Variants in DNMT3L observed in about 807,000 individuals in gnomAD.
DNMT3L encodes DNA methyltransferase 3 like, also known as DNA (cytosine-5)-methyltransferase 3-like.
Under a neutral mutation model 36.2 loss-of-function variants are expected in DNMT3L, and 33 were observed. That is an observed-to-expected ratio of 0.91 (90% CI 0.69 to 1.22). The LOEUF is 1.22. DNMT3L is among the 50% of genes most tolerant of loss of function. The pLI is 0.00. For synonymous variants in DNMT3L, 117 were observed against 121.7 expected, an observed-to-expected ratio of 0.96 and a Z score of 0.26; for missense variants, 310 against 303.1, an observed-to-expected ratio of 1.02 and a Z score of -0.17.
At chr21:44,256,662 A>G (rs1897970946) in intron 6 of DNMT3L, among the ~76,000 whole-genome samples, 1 of 152,054 alleles carries the variant, frequency 6.6e-6, no homozygotes, top group African/African-American at 2.4e-5. Context: ...GGCAGCTTCC[A>G]GAACCTCGGA....
intron 5 of DNMT3L, among the ~76,000 whole-genome samples, 185 bp downstream of exon 5, chr21:44,259,252 C>A (rs1297427732): frequency 6.6e-6 from 1 of 152,178 alleles, no homozygotes; most frequent in African/African-American, 2.4e-5. Context: ...CAATCGCCAA[C>A]CGTAGACACC....
chr21:44,256,198 G>GT, intron 6 of DNMT3L, 44 bp from the exon 7 acceptor site: 2 of 1,595,852 alleles, frequency 1.3e-6, no homozygotes, highest in Non-Finnish European at 1.7e-6. Flanking sequence ...CCGGCTACTT[G>GT]GCTACAGAGC....
intron 2 of DNMT3L, 67 bp downstream of exon 2, chr21:44,261,087 C>T: frequency 6.3e-7 from 1 of 1,575,442 alleles, no homozygotes. Context: ...GCCTGGAACT[C>T]CAGACCTCAT....
At position 44,260,798 on chromosome 21, in the gene DNMT3L, C is replaced by T. The variant is rs1222643270; in HGVS notation, c.148G>A (p.Glu50Lys). The T allele has an allele frequency of 1.2e-6, 2 of 1,613,240 alleles. No individual in the cohort carries two copies. ...GGGCCAGTATGCAAACACTCACCTT[C>T]TATATTTCGCTGGTTAGCCTTGACT... is the stretch of plus-strand genomic sequence containing the variant. ...YEVKANQRNI[E>K]DICICCGSLQ... The change falls in exon 3 of 12, where the codon GAA becomes AAA. Residue 50 changes from glutamate (E) to lysine (K), a missense_variant. Physicochemically the swap from Glu to Lys is moderately conservative, Grantham distance 56 (BLOSUM62 1). Coordinates refer to ENST00000628202, the MANE Select transcript of DNMT3L (RefSeq NM_175867.3).
intron 2 of DNMT3L, 91 bp downstream of exon 2, chr21:44,261,063 T>C: frequency 2.0e-6 from 3 of 1,516,786 alleles, no homozygotes; most frequent in Non-Finnish European, 1.8e-6. Context: ...GAATAATGCA[T>C]GAATACTCCA....
intron 6 of DNMT3L, among the ~76,000 whole-genome samples, chr21:44,257,518 A>G (rs1416164866): frequency 3.3e-5 from 5 of 150,968 alleles, no homozygotes; most frequent in Non-Finnish European, 3.0e-5. Context: ...CGTCTCTACT[A>G]AAAATACAAA....
intron 8 of DNMT3L, among the ~76,000 whole-genome samples, chr21:44,254,121 G>T (rs1178397344): frequency 1.3e-5 from 2 of 152,210 alleles, no homozygotes; most frequent in Middle Eastern, 3.2e-3. Context: ...CCTACAGGGG[G>T]AACGCACGAC....
chr21:44,257,497 CTG>C lies in DNMT3L; in HGVS notation c.516+1024_516+1025del, dbSNP rs374785360. Reference sequence around the variant, plus strand: ...GAGATCGAGACCATCCCGGCTAAAACTGTGAAACCCCGTCTCTACTAAAAATA... The same window carrying C: ...GAGATCGAGACCATCCCGGCTAAAACTGAAACCCCGTCTCTACTAAAAATA... On this transcript the variant is annotated intron_variant, in intron 6 of 11. Transcript: ENST00000628202. Among the ~76,000 whole-genome samples, 647 of 151,902 alleles carry C rather than the reference CTG, an allele frequency of 4.3e-3. 2 individuals carry two copies. Among genetic ancestry groups the C allele is most frequent in the Non-Finnish European group, 6.8e-3 (462 of 67,906 alleles).
chr21:44,258,043 CA>C lies in DNMT3L; in HGVS notation c.516+479del, dbSNP rs2040278865. On this transcript the variant is annotated intron_variant, in intron 6 of 11. Coordinates refer to ENST00000628202, the MANE Select transcript of DNMT3L (RefSeq NM_175867.3). This position sits in a 1 kb window ranked among gnomAD's most constrained non-coding sequence, Gnocchi z 6.2. ...CATCTCGTGATCCTTAACTAAATTA[CA>C]TCTGCAAAAACCCTGTTTCCAAATA... is the stretch of plus-strand genomic sequence containing the variant. Among the ~76,000 whole-genome samples the C allele has an allele frequency of 2.0e-5, 3 of 152,232 alleles. No homozygotes were observed. Among genetic ancestry groups the C allele is most frequent in the African/African-American group, 7.2e-5 (3 of 41,462 alleles).
chr21:44,254,339 AGCTCTGGGCTCTGG>A (rs548168054), intron 8 of DNMT3L, among the ~76,000 whole-genome samples: 2 of 152,140 alleles, frequency 1.3e-5, no homozygotes, highest in African/African-American at 4.8e-5. Context: ...CCCTGCTCTG[AGCTCTGGGCTCTGG>A]GCTCTGGGCA....
intron 6 of DNMT3L, among the ~76,000 whole-genome samples, chr21:44,256,657 C>T (rs1187095257): frequency 6.6e-6 from 1 of 152,044 alleles, no homozygotes; most frequent in Non-Finnish European, 1.5e-5. Context: ...ATCCTGGCAG[C>T]TTCCAGAACC....
In DNMT3L at chr21:44,259,533, G is replaced by A. The variant is rs757132660; in HGVS notation, c.248C>T (p.Ala83Val). ...CAPCKDKFLD[A>V]LFLYDDDGYQ... is the part of the protein sequence containing the mutation. ...CCCGTCATCGTCGTACAGGAAGAGG[G>A]CATCCAGGAACTTGTCCTTGGAAGG... The change falls in exon 5 of 12, where the codon GCC becomes GTC. Residue 83 changes from alanine (A) to valine (V), a missense_variant. Transcript: ENST00000628202. The A allele has an allele frequency of 1.2e-6, 2 of 1,613,730 alleles. No homozygotes were observed. The highest frequency in any genetic ancestry group is 1.7e-6 in the Non-Finnish European group (2 of 1,180,004).
intron 6 of DNMT3L, among the ~76,000 whole-genome samples, chr21:44,256,954 C>T (rs955799237): frequency 6.6e-6 from 1 of 151,800 alleles, no homozygotes; most frequent in Non-Finnish European, 1.5e-5. Context: ...CTTCGTTCAA[C>T]CTTAACAAAT....
At chr21:44,257,345 C>A (rs2040267845) in intron 6 of DNMT3L, among the ~76,000 whole-genome samples, 1 of 151,952 alleles carries the variant, frequency 6.6e-6, no homozygotes, top group Non-Finnish European at 1.5e-5. Flanking sequence ...CCATTGCACT[C>A]CAGCCTGGGC....
rs778876207 is a variant in DNMT3L, at chr21:44,254,612, C to T, written c.693+5G>A. ...CAGTGTCTGAGAGTTCACGGCGGTA[C>T]TCACATCCTTCCTCACTGTGTCTGT... On this transcript the variant is annotated splice_donor_5th_base_variant and intron_variant, in intron 8 of 11. Transcript: ENST00000628202. The T allele has an allele frequency of 1.9e-6, 3 of 1,613,750 alleles. No homozygotes were observed. The South Asian group carries it at 3.3e-5, about 18-fold the overall frequency.
chr21:44,259,420 C>T lies in DNMT3L; in HGVS notation c.344+17G>A. ...TCCTCAGCCCCTTCACCCCCCTGGG[C>T]AGGCCCCTCGCCTCACCGGGTGCAA... On this transcript the variant is annotated intron_variant, in intron 5 of 11. Coordinates refer to ENST00000628202, the MANE Select transcript of DNMT3L (RefSeq NM_175867.3). The T allele has an allele frequency of 1.2e-6, 2 of 1,612,920 alleles. No homozygotes were observed. Among genetic ancestry groups the T allele is most frequent in the Non-Finnish European group, 1.7e-6 (2 of 1,179,588 alleles).
At chr21:44,257,324 C>CCTTG (rs1947039409) in intron 6 of DNMT3L, among the ~76,000 whole-genome samples, 1 of 152,122 alleles carries the variant, frequency 6.6e-6, no homozygotes, top group African/African-American at 2.4e-5. Flanking sequence ...TTGCAGTGAG[C>CCTTG]CAAGAGGGTG....
Position 44,254,849 on chromosome 21 carries a change from G to A in DNMT3L, c.605-144C>T, listed in dbSNP as rs1394755669. On this transcript the variant is annotated intron_variant, in intron 7 of 11. Transcript: ENST00000628202. ...ATTTTTGTTGTTGTTGTTTTGAGAT[G>A]GAGTCTCCCTCTGTCGCCCAGGCTG... The A allele has an allele frequency of 6.2e-6, 5 of 802,466 alleles. No individual in the cohort carries two copies. In the Admixed American group the frequency reaches 1.1e-4, roughly 18 times the overall value. The allele number at this position is 802,466 out of a possible 1,614,324, so 49.7% of individuals were successfully genotyped here.
intron 8 of DNMT3L, among the ~76,000 whole-genome samples, 166 bp downstream of exon 8, chr21:44,254,451 G>T (rs1725413186): frequency 6.6e-6 from 1 of 152,188 alleles, no homozygotes; most frequent in Admixed American, 6.5e-5. Context: ...GCTGACTCCT[G>T]TCAGACCCAG....
Sources: allele counts gnomAD v4.1 joint callset (sites outside exome capture counted in the v4.1 genomes callset), GRCh38; gene constraint gnomAD v4.1.1; non-coding constraint Gnocchi (gnomAD v3.1); transcripts MANE v1.5; gene names NCBI Gene and HGNC (gene_info 2026-07-23, HGNC 2026-07-21).